Variants in PRSS27 observed in about 807,000 individuals in gnomAD.
PRSS27 encodes the protein channel-activating protease 2.
PRSS27 carries 25 observed loss-of-function variants against 32.0 expected under a neutral mutation model. That is an observed-to-expected ratio of 0.78 (90% confidence interval 0.57 to 1.09). The LOEUF (loss-of-function observed/expected upper bound fraction) is 1.09. PRSS27 is among the 50% of genes least tolerant of loss of function. The probability of loss-of-function intolerance (pLI) is 0.00; values close to 1 mark genes in which losing one functional copy is unlikely to be tolerated. For synonymous variants in PRSS27, 178 were observed against 172.2 expected (o/e 1.03, Z -0.26); for missense variants, 401 against 394.9 (o/e 1.02, Z -0.13).
At chr16:2,719,554 G>A (rs950807959) in intron 1 of PRSS27, among the ~76,000 whole-genome samples, 8 of 152,276 alleles carry the variant, frequency 5.3e-5, no homozygotes, top group African/African-American at 1.7e-4. Context: ...CTGGGAGAGG[G>A]CACGGTGGCG....
Position 2,714,146 on chromosome 16 carries a change from C to T in PRSS27, c.427G>A (p.Val143Met), listed in dbSNP as rs770792515. The part of the protein sequence containing the change: ...PVPFTNYILP[V>M]CLPDPSVIFE... ...ATCACCGAGGGGTCAGGCAGGCACA[C>T]GGGGAGGATGTAATTGGTGAAGGGC... The change falls in exon 4 of 6, where the codon GTG becomes ATG. Residue 143 changes from valine (V) to methionine (M), a missense_variant. Transcript: ENST00000302641. This position sits in a 1 kb window ranked among gnomAD's most constrained non-coding sequence, Gnocchi z 4.7. The T allele has an allele frequency of 3.7e-6, 6 of 1,614,012 alleles. No individual in the cohort carries two copies. Among genetic ancestry groups the T allele is most frequent in the Admixed American group, 3.3e-5 (2 of 60,004 alleles).
intron 1 of PRSS27, among the ~76,000 whole-genome samples, chr16:2,718,964 G>T (rs924871476): frequency 6.6e-6 from 1 of 152,162 alleles, no homozygotes; most frequent in Admixed American, 6.5e-5. Context: ...GGGTGCCGGG[G>T]GTGTCAGGAG....
rs746958555 is a variant in PRSS27, at chr16:2,716,536, AG to A, written c.47-11del. 6.3e-7 allele frequency: 1 copy of A among 1,598,414 alleles called. No individual in the cohort carries two copies. The highest frequency in any genetic ancestry group is 1.1e-5 in the South Asian group (1 of 88,670). Reference sequence around the variant, plus strand: ...TTGGCCCTCTGAGACCCTGGAAGTGAGGAGAGGGTGATCAGCCAGGCCAGCT... The same window carrying A: ...TTGGCCCTCTGAGACCCTGGAAGTGAGAGAGGGTGATCAGCCAGGCCAGCT... On this transcript the variant is annotated splice_polypyrimidine_tract_variant and intron_variant, in intron 1 of 5. Transcript: ENST00000302641.
chr16:2,713,952 G>A (rs770167276), intron 4 of PRSS27, 113 bp downstream of exon 4: 44 of 1,207,522 alleles, frequency 3.6e-5, no homozygotes, highest in African/African-American at 1.8e-4. Flanking sequence ...AACAGAGACC[G>A]TGTGTATGTA....
In PRSS27 at chr16:2,716,037, G is replaced by A. The variant is rs368064384; in HGVS notation, c.74-157C>T. The A allele has an allele frequency of 2.1e-4, 133 of 624,822 alleles. 1 individual carries two copies. The South Asian group carries it at 2.9e-3, about 14-fold the overall frequency. The allele number at this position is 624,822 out of a possible 1,614,324, so 38.7% of individuals were successfully genotyped here. On this transcript the variant is annotated intron_variant, in intron 2 of 5. Transcript: ENST00000302641. ...GAGGCCTGGGCTTCGGGGCAGTCTG[G>A]GATACAGGCAGACCCTCCCCAGCTG...
chr16:2,712,515 TG>T lies in PRSS27; in HGVS notation c.*104del. 2.2e-6 allele frequency: 2 copies of T among 908,738 alleles called. No homozygotes were observed. Among genetic ancestry groups the T allele is most frequent in the Non-Finnish European group, 1.7e-6 (1 of 602,060 alleles). 56.3% of individuals were successfully genotyped at this position (908,738 alleles called of 1,614,324 possible). On this transcript the variant is annotated 3_prime_UTR_variant, in exon 6 of 6. Transcript: ENST00000302641. This position sits in a 1 kb window ranked among gnomAD's most constrained non-coding sequence, Gnocchi z 4.6. ...GAGCGCTATTTACAAATGAGTCTGG[TG>T]GGGCTCACAGGTGCAACAGCAGCGC...
chr16:2,718,965 G>A (rs934888268), intron 1 of PRSS27, among the ~76,000 whole-genome samples: 2 of 152,172 alleles, frequency 1.3e-5, no homozygotes, highest in African/African-American at 4.8e-5. Context: ...GGTGCCGGGG[G>A]TGTCAGGAGC....
Position 2,716,660 on chromosome 16 carries a change from C to T in PRSS27, c.47-134G>A, listed in dbSNP as rs992193833. 57 of 899,908 alleles carry T rather than the reference C, an allele frequency of 6.3e-5. 1 individual carries two copies. The highest frequency in any genetic ancestry group is 3.1e-4 in the South Asian group (21 of 68,384). 55.7% of individuals were successfully genotyped at this position (899,908 alleles called of 1,614,324 possible). A position where few individuals can be genotyped will look rare whatever the true frequency, so the allele number is the denominator to read the frequency against. On this transcript the variant is annotated intron_variant, in intron 1 of 5. Coordinates refer to ENST00000302641, the MANE Select transcript of PRSS27 (RefSeq NM_031948.5). ...GGGACAGTCCACAGAGGGACCTCACCGGAGAGCCCAAGGGCCTGCAGTTTC... is the reference window on the plus strand; with the variant it reads ...GGGACAGTCCACAGAGGGACCTCACTGGAGAGCCCAAGGGCCTGCAGTTTC...
intron 2 of PRSS27, chr16:2,716,095 GGCA>G: frequency 1.9e-6 from 1 of 522,856 alleles, no homozygotes; most frequent in Admixed American, 3.6e-5. Context: ...CGCCGAGAAA[GGCA>G]ACCTAACACC....
At chr16:2,713,895 C>G (rs1317733203) in intron 4 of PRSS27, among the ~76,000 whole-genome samples, 170 bp downstream of exon 4, 4 of 152,208 alleles carry the variant, frequency 2.6e-5, no homozygotes, top group African/African-American at 9.7e-5. Flanking sequence ...CCTTCACCCC[C>G]TCTTCCTTCT....
Position 2,712,703 on chromosome 16 carries a change from G to A in PRSS27, c.790C>T (p.Arg264Cys), listed in dbSNP as rs983311912. The change falls in exon 6 of 6, where the codon CGT becomes TGT. Residue 264 changes from arginine (R) to cysteine (C), a missense_variant. Coordinates refer to ENST00000302641, the MANE Select transcript of PRSS27 (RefSeq NM_031948.5). The surrounding 1 kb of genome is among the most constrained non-coding windows in gnomAD (Gnocchi z 4.6). ...ARQNRPGVYIRVTAHHNWIHR... is the reference protein window; with the variant it reads ...ARQNRPGVYICVTAHHNWIHR... Reference sequence around the variant, plus strand: ...ATCCAGTTGTGGTGGGCGGTGACACGGATGTAGACACCTGGGCGGTTCTGG... The same window carrying A: ...ATCCAGTTGTGGTGGGCGGTGACACAGATGTAGACACCTGGGCGGTTCTGG... 6.9e-6 allele frequency: 11 copies of A among 1,597,960 alleles called. No homozygotes were observed. The highest frequency in any genetic ancestry group is 4.5e-5 in the East Asian group (2 of 44,148).
chr16:2,719,567 T>C (rs2067722359), intron 1 of PRSS27, among the ~76,000 whole-genome samples: 1 of 152,062 alleles, frequency 6.6e-6, no homozygotes, highest in Non-Finnish European at 1.5e-5. Flanking sequence ...CGGTGGCGCA[T>C]CACCGGTTCC....
chr16:2,713,423 C>T, intron 5 of PRSS27, 106 bp downstream of exon 5: 1 of 1,235,824 alleles, frequency 8.1e-7, no homozygotes, highest in South Asian at 1.2e-5. Flanking sequence ...TCAAAACAAG[C>T]TGCTCAGCTG....
At chr16:2,716,706 C>A in intron 1 of PRSS27, 180 bp from the exon 2 acceptor site, 1 of 639,962 alleles carries the variant, frequency 1.6e-6, no homozygotes, top group Non-Finnish European at 2.7e-6. Flanking sequence ...CTGGCTCTGC[C>A]GTATGCTCAG....
Position 2,714,177 on chromosome 16 carries a change from T to G in PRSS27, c.396A>C (p.Ala132=), listed in dbSNP as rs1328131737. The G allele has an allele frequency of 3.7e-6, 6 of 1,613,938 alleles. No individual in the cohort carries two copies. Among genetic ancestry groups the G allele is most frequent in the Admixed American group, 1.7e-5 (1 of 60,010 alleles). The change falls in exon 4 of 6, where the codon GCA becomes GCC. Residue 132 remains alanine (A), a synonymous_variant. Transcript: ENST00000302641. The surrounding 1 kb of genome is among the most constrained non-coding windows in gnomAD (Gnocchi z 4.7). ...GGATGTAATTGGTGAAGGGCACTGG[T>G]GCCTCCAGCTCCACCAGGGCCACGT... is the stretch of plus-strand genomic sequence containing the variant. ...SADVALVELE[A]PVPFTNYILP...
chr16:2,715,766 C>T lies in PRSS27; in HGVS notation c.188G>A (p.Ser63Asn). 6.3e-7 allele frequency: 1 copy of T among 1,589,964 alleles called. No individual in the cohort carries two copies. The change falls in exon 3 of 6, where the codon AGC becomes AAC. Residue 63 changes from serine (S) to asparagine (N), a missense_variant. Transcript: ENST00000302641. ...CAGGACCCACTGCTCCGCGATGAGG[C>T]TGCCCCCGCAGAAGTGGCTTCCGTT... ...QRNGSHFCGGSLIAEQWVLTA... is the reference protein window; with the variant it reads ...QRNGSHFCGGNLIAEQWVLTA...
At chr16:2,719,003 G>T (rs1039453202) in intron 1 of PRSS27, among the ~76,000 whole-genome samples, 3 of 152,152 alleles carry the variant, frequency 2.0e-5, no homozygotes, top group Non-Finnish European at 4.4e-5. Flanking sequence ...CCTGTGATTC[G>T]CTGGTAGCTG....
rs2067680392 is a variant in PRSS27, at chr16:2,713,642, G to C, written c.565C>G (p.Pro189Ala). ...TTGCTGTAGAGCAGGTTGCACTTGGGTGTGTCGATGATGGGCACAGCGAGT... is the reference window on the plus strand; with the variant it reads ...TTGCTGTAGAGCAGGTTGCACTTGGCTGTGTCGATGATGGGCACAGCGAGT... ...QKLAVPIIDT[P>A]KCNLLYSKDT... The change falls in exon 5 of 6, where the codon CCC becomes GCC. Residue 189 changes from proline (P) to alanine (A), a missense_variant. Physicochemically the swap from Pro to Ala is conservative, Grantham distance 27. Coordinates refer to ENST00000302641, the MANE Select transcript of PRSS27 (RefSeq NM_031948.5). The C allele has an allele frequency of 6.2e-7, 1 of 1,614,244 alleles. No individual in the cohort carries two copies. Among genetic ancestry groups the C allele is most frequent in the East Asian group, 2.2e-5 (1 of 44,884 alleles).
chr16:2,716,570 G>A, intron 1 of PRSS27, 44 bp from the exon 2 acceptor site: 1 of 1,575,254 alleles, frequency 6.3e-7, no homozygotes, highest in East Asian at 2.3e-5. Flanking sequence ...GCTGCAGCCT[G>A]GCCTGCCCTC....
Sources: gnomAD v4.1 joint callset for allele counts (sites outside exome capture counted in the v4.1 genomes callset) on GRCh38, gnomAD v4.1.1 for gene constraint, Gnocchi (gnomAD v3.1) non-coding constraint, MANE v1.5 for transcripts, NCBI Gene and HGNC (gene_info 2026-07-23, HGNC 2026-07-21) for gene names.